The following CTTNBP2 variants were observed in gnomAD, a reference collection of about 807,000 sequenced individuals.
CTTNBP2 encodes cortactin binding protein 2, also known as cortactin-binding protein 2.
In CTTNBP2, 108 loss-of-function variants were observed where a neutral mutation model predicts 156.9. The observed-to-expected ratio is 0.69, with a 90% CI of 0.59 to 0.81. The LOEUF is 0.81. Ranked by LOEUF, CTTNBP2 falls within the 30% of genes least tolerant of loss-of-function variation. The probability of loss-of-function intolerance (pLI) is 0.00; values close to 1 mark genes in which losing one functional copy is unlikely to be tolerated. For synonymous variants in CTTNBP2, 767 were observed against 751.8 expected (o/e 1.02, Z -0.33); for missense variants, 1,924 against 2,035.4 (o/e 0.95, Z 1.05).
intron 2 of CTTNBP2, among the ~76,000 whole-genome samples, chr7:117,813,167 A>G (rs1234236013): frequency 1.3e-5 from 2 of 152,148 alleles, no homozygotes; most frequent in African/African-American, 4.8e-5. Context: ...TTTAAAGTCT[A>G]TTCTTTTCCC....
Position 117,773,945 on chromosome 7 carries a change from C to T in CTTNBP2, c.2778+3566G>A, listed in dbSNP as rs537820824. The stretch of plus-strand genomic sequence containing the variant: ...CCTGTAGTCAAAAATTCATGCAGTC[C>T]CCCCAGTGAAAAAAATCTCTGGGTA... On this transcript the variant is annotated intron_variant, in intron 8 of 22. Transcript: ENST00000160373. 3.9e-5 allele frequency among the ~76,000 whole-genome samples: 6 copies of T among 152,078 alleles called. No individual in the cohort carries two copies. The South Asian group carries it at 1.2e-3, about 32-fold the overall frequency.
intron 2 of CTTNBP2, among the ~76,000 whole-genome samples, chr7:117,826,448 A>C (rs1021392943): frequency 4.6e-5 from 7 of 152,176 alleles, no homozygotes; most frequent in African/African-American, 1.7e-4. Flanking sequence ...GGAAAAAAAG[A>C]TATACCATTA....
At chr7:117,727,976 G>C in intron 17 of CTTNBP2, 113 bp downstream of exon 17, 2 of 908,316 alleles carry the variant, frequency 2.2e-6, no homozygotes, top group Non-Finnish European at 3.4e-6. Flanking sequence ...CTGGCACTCC[G>C]TGTCAGTGAC....
At chr7:117,855,831 C>G (rs548422303) in intron 2 of CTTNBP2, among the ~76,000 whole-genome samples, 1 of 152,240 alleles carries the variant, frequency 6.6e-6, no homozygotes, top group Admixed American at 6.5e-5. Flanking sequence ...CTATACAGAA[C>G]AATTAATTTT....
chr7:117,711,697 G>C lies in CTTNBP2; in HGVS notation c.4832C>G (p.Ser1611Cys), dbSNP rs767948347. 6.2e-7 allele frequency: 1 copy of C among 1,614,016 alleles called. No homozygotes were observed. Among genetic ancestry groups the C allele is most frequent in the East Asian group, 2.2e-5 (1 of 44,868 alleles). Reference sequence around the variant, plus strand: ...TTTACTTCTAGGAACAGGAAGAAAAGATTTAACTCTTGAAACACCCAACTC... The same window carrying C: ...TTTACTTCTAGGAACAGGAAGAAAACATTTAACTCTTGAAACACCCAACTC... ...KTELGVSRVKSFLPVPRSKVT... is the reference protein window; with the variant it reads ...KTELGVSRVKCFLPVPRSKVT... Residue 1611 changes from serine (S) to cysteine (C), a missense_variant, in exon 23 of 23, where the codon TCT (serine) becomes TGT (cysteine). Ser to Cys is a moderately radical substitution (Grantham distance 112, BLOSUM62 -1). Coordinates refer to ENST00000160373, the MANE Select transcript of CTTNBP2 (RefSeq NM_033427.3).
intron 21 of CTTNBP2, among the ~76,000 whole-genome samples, chr7:117,718,849 T>C (rs1341841890): frequency 6.6e-6 from 1 of 152,126 alleles, no homozygotes; most frequent in Non-Finnish European, 1.5e-5. Context: ...TATGCCAAAG[T>C]TAGGAATGTG....
chr7:117,808,483 C>A (rs533188311), intron 3 of CTTNBP2, among the ~76,000 whole-genome samples: 8 of 152,198 alleles, frequency 5.3e-5, no homozygotes, highest in Non-Finnish European at 1.0e-4. Flanking sequence ...GTTAACCCGC[C>A]TATTCGTAGT....
At chr7:117,762,998 G>T (rs1797290824) in intron 9 of CTTNBP2, among the ~76,000 whole-genome samples, 2 of 152,188 alleles carry the variant, frequency 1.3e-5, no homozygotes, top group Admixed American at 1.3e-4. Context: ...TCAAGCCTTG[G>T]CTTCAATGTC....
At chr7:117,771,601 G>A (rs1022863659) in intron 8 of CTTNBP2, among the ~76,000 whole-genome samples, 1 of 152,140 alleles carries the variant, frequency 6.6e-6, no homozygotes, top group Non-Finnish European at 1.5e-5. Context: ...AGCAATTATT[G>A]TACTGAAAGA....
chr7:117,719,965 G>A (rs193066353), intron 20 of CTTNBP2, among the ~76,000 whole-genome samples: 32 of 152,278 alleles, frequency 2.1e-4, no homozygotes, highest in African/African-American at 7.7e-4. Flanking sequence ...GTGATAAAAT[G>A]GGACAAACAC....
At chr7:117,866,031 C>T (rs1037923269) in intron 1 of CTTNBP2, among the ~76,000 whole-genome samples, 8 of 150,914 alleles carry the variant, frequency 5.3e-5, no homozygotes, top group Non-Finnish European at 1.0e-4. Flanking sequence ...CCAAACTCAA[C>T]TGTTCAACAC....
chr7:117,711,771 A>C lies in CTTNBP2; in HGVS notation c.4758T>G (p.Pro1586=), dbSNP rs780217466. 4 of 1,611,658 alleles carry C rather than the reference A, an allele frequency of 2.5e-6. No homozygotes were observed. In the South Asian group the frequency reaches 4.4e-5, roughly 18 times the overall value. ...ATTCAGTAGTTTGATGGCTGCTGAG[A>C]GGACTGACCTCCTGTAAGAGACAAG... ...RMPVSQKEVS[P]LSSHQTTECS... Residue 1586 remains proline (P), a synonymous_variant, in exon 23 of 23, where the codon CCT becomes CCG. Coordinates refer to ENST00000160373, the MANE Select transcript of CTTNBP2 (RefSeq NM_033427.3).
chr7:117,740,386 G>A (rs928960237), intron 14 of CTTNBP2, among the ~76,000 whole-genome samples: 19 of 152,028 alleles, frequency 1.2e-4, no homozygotes, highest in African/African-American at 3.1e-4. Flanking sequence ...CTTCTACGGC[G>A]TCATAGAGAG....
At chr7:117,727,482 T>C (rs1795155409) in intron 17 of CTTNBP2, among the ~76,000 whole-genome samples, 1 of 152,272 alleles carries the variant, frequency 6.6e-6, no homozygotes, top group Non-Finnish European at 1.5e-5. Context: ...CATGAACCAC[T>C]ACATCCAGCT....
chr7:117,838,975 G>GGC (rs1300790895), intron 2 of CTTNBP2, among the ~76,000 whole-genome samples: 1 of 104,924 alleles, frequency 9.5e-6, no homozygotes, highest in African/African-American at 3.6e-5. Flanking sequence ...GGCGGGGGGG[G>GGC]GGCTTTTAAA....
chr7:117,873,339 G>A lies in CTTNBP2; in HGVS notation c.77C>T (p.Ala26Val). ...CCGCCCCGGGAACTCGGTTACCGCC[G>A]CCTCCGCCGCGGCCCCCGCCGCGTC... The part of the protein sequence containing the change: ...PEDAAGAAAE[A>V]AKKEFDVDTL... Residue 26 changes from alanine (A) to valine (V), a missense_variant, in exon 1 of 23, where the codon GCG becomes GTG. By Grantham distance (64) the Ala-to-Val change is moderately conservative (BLOSUM62 0). Coordinates refer to ENST00000160373, the MANE Select transcript of CTTNBP2 (RefSeq NM_033427.3). The A allele has an allele frequency of 3.5e-6, 5 of 1,445,406 alleles. No homozygotes were observed. Among genetic ancestry groups the A allele is most frequent in the Non-Finnish European group, 4.5e-6 (5 of 1,103,382 alleles). The allele number at this position is 1,445,406 out of a possible 1,614,324, so 89.5% of individuals were successfully genotyped here.
chr7:117,811,836 T>G (rs1368008077), intron 2 of CTTNBP2, among the ~76,000 whole-genome samples: 1 of 60,072 alleles, frequency 1.7e-5, no homozygotes, highest in South Asian at 3.7e-4. Flanking sequence ...AATTAAAATT[T>G]TAATTAAATT....
intron 6 of CTTNBP2, among the ~76,000 whole-genome samples, chr7:117,780,930 T>C (rs1009471654): frequency 1.3e-5 from 2 of 152,226 alleles, no homozygotes; most frequent in Admixed American, 6.5e-5. Flanking sequence ...ACTTGATAAA[T>C]ATATATTATT....
intron 12 of CTTNBP2, among the ~76,000 whole-genome samples, chr7:117,746,815 T>C (rs1444068638): frequency 1.3e-5 from 2 of 152,218 alleles, no homozygotes; most frequent in Non-Finnish European, 2.9e-5. Flanking sequence ...TGGATTACTT[T>C]CGCTTTGTCA....
Sources: gnomAD v4.1 joint callset for allele counts (sites outside exome capture counted in the v4.1 genomes callset) on GRCh38, gnomAD v4.1.1 for gene constraint, MANE v1.5 for transcripts, NCBI Gene and HGNC (gene_info 2026-07-23, HGNC 2026-07-21) for gene names.